Variants in INTU observed in about 807,000 individuals in gnomAD.
INTU encodes inturned planar cell polarity protein.
INTU carries 68 observed loss-of-function variants against 100.5 expected under a neutral mutation model. That is an observed-to-expected ratio of 0.68 (90% CI 0.56 to 0.83). The LOEUF is 0.83. Among genes scored for constraint, INTU ranks in the 40% least tolerant of loss-of-function variants. The pLI is 0.00. For synonymous variants in INTU, 357 were observed against 395.7 expected (o/e 0.90, Z 1.16); for missense variants, 1,071 against 1,114.7 (o/e 0.96, Z 0.56).
At chr4:127,699,922 A>G (rs533042694) in intron 8 of INTU, 88 bp from the exon 9 acceptor site, 2 of 849,454 alleles carry the variant, frequency 2.4e-6, no homozygotes, top group African/African-American at 3.5e-5. Context: ...TTCAAGTAGT[A>G]ATTAAGCACT....
intron 7 of INTU, among the ~76,000 whole-genome samples, chr4:127,685,250 A>G (rs1309808539): frequency 6.6e-6 from 1 of 152,042 alleles, no homozygotes; most frequent in Non-Finnish European, 1.5e-5. Context: ...AAAATTGGGT[A>G]TGGGAAATCG....
At chr4:127,679,885 G>T (rs1439152009) in intron 6 of INTU, among the ~76,000 whole-genome samples, 1 of 151,814 alleles carries the variant, frequency 6.6e-6, no homozygotes, top group Admixed American at 6.6e-5. Context: ...AAAGAGAGAA[G>T]AATCAAATAG....
chr4:127,700,436 A>G (rs1457272842), intron 9 of INTU, among the ~76,000 whole-genome samples: 1 of 152,188 alleles, frequency 6.6e-6, no homozygotes, highest in Admixed American at 6.5e-5. Flanking sequence ...AGCTATGGCC[A>G]ATGAAAAGGC....
chr4:127,677,065 C>G (rs1267359816), intron 6 of INTU, among the ~76,000 whole-genome samples: 1 of 152,148 alleles, frequency 6.6e-6, no homozygotes. Context: ...CCGCCATTGC[C>G]CAGGCTTGCT....
chr4:127,674,262 C>T (rs957836438), intron 6 of INTU, 49 bp downstream of exon 6: 3 of 1,382,402 alleles, frequency 2.2e-6, no homozygotes, highest in Non-Finnish European at 3.0e-6. Flanking sequence ...ATAATGTTAA[C>T]TTTTGTTTTG....
chr4:127,679,384 A>C (rs560798471), intron 6 of INTU, among the ~76,000 whole-genome samples: 19 of 152,312 alleles, frequency 1.2e-4, no homozygotes, highest in African/African-American at 4.6e-4. Flanking sequence ...GTAAAAGAAC[A>C]GAAATTATAA....
Position 127,644,055 on chromosome 4 carries a change from T to G in INTU, c.681T>G (p.Ile227Met), listed in dbSNP as rs544608677. 6.2e-7 allele frequency: 1 copy of G among 1,609,748 alleles called. No homozygotes were observed. The highest frequency in any genetic ancestry group is 1.3e-5 in the African/African-American group (1 of 74,950). Reference sequence around the variant, plus strand: ...CTATGAAGAGCGGTCAGGTACTCATTGGTAAGTGTTGCTGGTACACATCCA... The same window carrying G: ...CTATGAAGAGCGGTCAGGTACTCATGGGTAAGTGTTGCTGGTACACATCCA... ...GSAMKSGQVL[I>M]GDVLVAVNDV... Residue 227 changes from isoleucine to methionine, a missense_variant and splice_region_variant, in exon 2 of 16, where the codon ATT becomes ATG. Transcript: ENST00000335251.
In INTU at chr4:127,720,644, T is replaced by A. The variant is rs372768567; in HGVS notation, c.*4208T>A. On this transcript the variant is annotated 3_prime_UTR_variant, in exon 16 of 16. Transcript: ENST00000335251. Reference sequence around the variant, plus strand: ...TTTTTGGGTCTCTAAGAACTTGTTTTATGAATCTGAGTGCTCCTATATTAG... The same window carrying A: ...TTTTTGGGTCTCTAAGAACTTGTTTAATGAATCTGAGTGCTCCTATATTAG... 11 of 152,358 alleles carry A rather than the reference T, an allele frequency of 7.2e-5. No homozygotes were observed. In the East Asian group the frequency reaches 2.1e-3, roughly 29 times the overall value. 9.4% of individuals were successfully genotyped at this position (152,358 alleles called of 1,614,324 possible).
intron 9 of INTU, among the ~76,000 whole-genome samples, chr4:127,702,437 A>G (rs1730690110): frequency 6.6e-6 from 1 of 152,190 alleles, no homozygotes; most frequent in Non-Finnish European, 1.5e-5. Context: ...AAACAACTCA[A>G]ATAACTTAAC....
chr4:127,663,943 A>T (rs1250895986), intron 4 of INTU, among the ~76,000 whole-genome samples: 3 of 152,074 alleles, frequency 2.0e-5, no homozygotes, highest in African/African-American at 7.2e-5. Context: ...AACAATTTTA[A>T]GTGTACAATC....
chr4:127,643,787 C>G lies in INTU; in HGVS notation c.413C>G (p.Pro138Arg). 2 of 1,613,950 alleles carry G rather than the reference C, an allele frequency of 1.2e-6. No homozygotes were observed. The highest frequency in any genetic ancestry group is 1.7e-6 in the Non-Finnish European group (2 of 1,180,002). Residue 138 changes from proline (P) to arginine (R), a missense_variant, in exon 2 of 16, where the codon CCA (proline) becomes CGA (arginine). Coordinates refer to ENST00000335251, the MANE Select transcript of INTU (RefSeq NM_015693.4). ...CNKKNSNDNG[P>R]VSILKHQSNQ... ...AAAAAAAATAGCAATGACAATGGAC[C>G]AGTATCCATTCTAAAGCATCAGTCC...
At chr4:127,671,002 T>C (rs1362902184) in intron 5 of INTU, among the ~76,000 whole-genome samples, 2 of 152,014 alleles carry the variant, frequency 1.3e-5, no homozygotes, top group African/African-American at 4.8e-5. Context: ...CCTGACACTA[T>C]AAAAATGCTA....
chr4:127,677,840 T>C (rs1390614155), intron 6 of INTU, among the ~76,000 whole-genome samples: 5 of 152,042 alleles, frequency 3.3e-5, no homozygotes, highest in Non-Finnish European at 5.9e-5. Flanking sequence ...GGCAAAGAAG[T>C]TGAAAACTTT....
chr4:127,703,622 A>T (rs1362965862), intron 9 of INTU, among the ~76,000 whole-genome samples: 6 of 152,016 alleles, frequency 3.9e-5, no homozygotes, highest in Admixed American at 6.6e-5. Flanking sequence ...GATCAATCAT[A>T]TTTTTTTAAC....
At chr4:127,698,951 G>A (rs1203544475) in intron 8 of INTU, among the ~76,000 whole-genome samples, 1 of 152,080 alleles carries the variant, frequency 6.6e-6, no homozygotes, top group Admixed American at 6.6e-5. Flanking sequence ...GGTCACAAAT[G>A]AGTAATAACT....
chr4:127,687,140 T>G (rs1474890375), intron 7 of INTU: 1 of 152,228 alleles, frequency 6.6e-6, no homozygotes, highest in Admixed American at 6.5e-5. Flanking sequence ...GCTTGTTATG[T>G]TCTAGGCATT....
intron 9 of INTU, among the ~76,000 whole-genome samples, chr4:127,702,524 G>A (rs1201660648): frequency 1.3e-5 from 2 of 152,222 alleles, no homozygotes; most frequent in East Asian, 3.9e-4. Flanking sequence ...AAAAAAGTTG[G>A]TGTAGGGAGG....
chr4:127,708,645 A>T lies in INTU; in HGVS notation c.2346A>T (p.Glu782Asp), dbSNP rs770804948. The change falls in exon 13 of 16, where the codon GAA becomes GAT. Residue 782 changes from glutamate to aspartate, a missense_variant. Coordinates refer to ENST00000335251, the MANE Select transcript of INTU (RefSeq NM_015693.4). ...TGAAAAAGGACCTTCCAGAAAAAGA[A>T]TTAGAAATATATAACACAGTGAAGT... is the stretch of plus-strand genomic sequence containing the variant. ...GNLKKDLPEK[E>D]LEIYNTVKLT... 32 of 1,574,396 alleles carry T rather than the reference A, an allele frequency of 2.0e-5. No homozygotes were observed. Among genetic ancestry groups the T allele is most frequent in the Non-Finnish European group, 2.6e-5 (30 of 1,147,704 alleles).
At chr4:127,681,444 T>C (rs770128621) in intron 6 of INTU, among the ~76,000 whole-genome samples, 1 of 152,048 alleles carries the variant, frequency 6.6e-6, no homozygotes, top group Non-Finnish European at 1.5e-5. Flanking sequence ...TCAGAAATAA[T>C]GCCTCATATC....
Sources: allele counts gnomAD v4.1 joint callset (sites outside exome capture counted in the v4.1 genomes callset), GRCh38; gene constraint gnomAD v4.1.1; transcripts MANE v1.5; gene names NCBI Gene and HGNC (gene_info 2026-07-23, HGNC 2026-07-21).